Variants in ACO1 observed in about 807,000 individuals in gnomAD.
ACO1 encodes cytoplasmic aconitate hydratase.
Under a neutral mutation model 105.1 loss-of-function variants are expected in ACO1, and 78 were observed. That is an observed-to-expected ratio of 0.74 (90% CI 0.62 to 0.90). The LOEUF (loss-of-function observed/expected upper bound fraction) is 0.90. Ranked by LOEUF, ACO1 falls within the 40% of genes least tolerant of loss-of-function variation. The probability of loss-of-function intolerance (pLI) is 0.00; values close to 1 mark genes in which losing one functional copy is unlikely to be tolerated. For synonymous variants in ACO1, 364 were observed against 397.4 expected (o/e 0.92, Z 1.00); for missense variants, 965 against 1,111.1 (o/e 0.87, Z 1.87).
In ACO1 at chr9:32,430,589, G is replaced by C. The variant is rs370771298; in HGVS notation, c.1726+15G>C. Reference sequence around the variant, plus strand: ...AGAGCCATTGGGTAAGATTTTGTTTGTGCAGCCATAATTTTTTTCCAGTGA... The same window carrying C: ...AGAGCCATTGGGTAAGATTTTGTTTCTGCAGCCATAATTTTTTTCCAGTGA... On this transcript the variant is annotated intron_variant, in intron 14 of 20. Transcript: ENST00000309951. 6.3e-7 allele frequency: 1 copy of C among 1,577,228 alleles called. No individual in the cohort carries two copies. Among genetic ancestry groups the C allele is most frequent in the South Asian group, 1.2e-5 (1 of 85,084 alleles).
chr9:32,391,155 A>T (rs1366602738), intron 1 of ACO1, among the ~76,000 whole-genome samples: 1 of 152,186 alleles, frequency 6.6e-6, no homozygotes, highest in African/African-American at 2.4e-5. Context: ...ACCTCATTTA[A>T]TTATCCTAGC....
intron 15 of ACO1, among the ~76,000 whole-genome samples, chr9:32,432,100 A>C (rs1822252120): frequency 6.6e-6 from 1 of 152,152 alleles, no homozygotes; most frequent in South Asian, 2.1e-4. Context: ...CCTCAGGTTC[A>C]GCTCTCCAAA....
chr9:32,444,329 G>T (rs1263394328), intron 19 of ACO1, among the ~76,000 whole-genome samples: 1 of 151,982 alleles, frequency 6.6e-6, no homozygotes, highest in Non-Finnish European at 1.5e-5. Flanking sequence ...TAATCCTTTG[G>T]GTATATACCC....
chr9:32,394,722 G>A (rs1003103083), intron 1 of ACO1, among the ~76,000 whole-genome samples: 8 of 152,200 alleles, frequency 5.3e-5, no homozygotes, highest in African/African-American at 7.2e-5. Context: ...ATCCTGCTGC[G>A]GGGAAGGAAT....
At chr9:32,449,914 G>A in intron 20 of ACO1, 84 bp from the exon 21 acceptor site, 2 of 1,054,120 alleles carry the variant, frequency 1.9e-6, no homozygotes, top group Admixed American at 1.8e-5. Flanking sequence ...GACCACACCT[G>A]AGGGGCAGGC....
At chr9:32,384,881 G>T (rs1384067284) in intron 1 of ACO1, 146 bp downstream of exon 1, 4 of 243,452 alleles carry the variant, frequency 1.6e-5, no homozygotes, top group Non-Finnish European at 2.6e-5. Context: ...GAGGCTGAGA[G>T]GAGAATCGGG....
rs555727537 is a variant in ACO1, at chr9:32,395,543, A to G, written c.-22-9942A>G. Among the ~76,000 whole-genome samples, 741 of 152,298 alleles carry G rather than the reference A, an allele frequency of 4.9e-3. 5 individuals carry two copies. Among genetic ancestry groups the G allele is most frequent in the Non-Finnish European group, 7.9e-3 (536 of 68,022 alleles). ...CTTAGTTGAGGTATCTGCAGGTGTC[A>G]TGTACTACACCACACTGGTGACCAT... On this transcript the variant is annotated intron_variant, in intron 1 of 20. Transcript: ENST00000309951.
chr9:32,397,631 G>A (rs567059531), intron 1 of ACO1, among the ~76,000 whole-genome samples: 21 of 152,072 alleles, frequency 1.4e-4, no homozygotes, highest in Non-Finnish European at 3.1e-4. Context: ...TTGGGAGTAG[G>A]GCCAATTAAT....
chr9:32,440,399 C>T (rs1822450876), intron 18 of ACO1, 66 bp from the exon 19 acceptor site: 3 of 1,602,944 alleles, frequency 1.9e-6, no homozygotes, highest in African/African-American at 1.3e-5. Context: ...CTCACCAGGG[C>T]TCAGGGGACC....
At chr9:32,432,829 C>A (rs1822269064) in intron 15 of ACO1, among the ~76,000 whole-genome samples, 1 of 152,166 alleles carries the variant, frequency 6.6e-6, no homozygotes, top group Non-Finnish European at 1.5e-5. Flanking sequence ...GGTCAAGAAT[C>A]CAGGCACAGC....
chr9:32,420,779 G>A (rs757928456), intron 7 of ACO1, 77 bp from the exon 8 acceptor site: 1 of 1,468,838 alleles, frequency 6.8e-7, no homozygotes, highest in Non-Finnish European at 9.3e-7. Flanking sequence ...TAGTTTATAA[G>A]AAGTGCAAGA....
At chr9:32,401,063 A>G (rs963200191) in intron 1 of ACO1, among the ~76,000 whole-genome samples, 5 of 152,064 alleles carry the variant, frequency 3.3e-5, no homozygotes, top group African/African-American at 1.2e-4. Context: ...TGTATCTTGA[A>G]TCTGAGTAAG....
At position 32,430,552 on chromosome 9, in the gene ACO1, C is replaced by T. The variant is rs771293244; in HGVS notation, c.1704C>T (p.Ile568=). Residue 568 remains isoleucine, a synonymous_variant, in exon 14 of 21, where the codon ATC becomes ATT. Coordinates refer to ENST00000309951, the MANE Select transcript of ACO1 (RefSeq NM_002197.3). ...ATGCAATTGCTGGAACCATCAGAAT[C>T]GACTTTGAGAAAGAGCCATTGGGTA... ...IAYAIAGTIR[I]DFEKEPLGVN... is the part of the protein sequence containing the mutation. 51 of 1,605,554 alleles carry T rather than the reference C, an allele frequency of 3.2e-5. 1 individual carries two copies. The East Asian group carries it at 1.0e-3, about 33-fold the overall frequency.
rs757907809 is a variant in ACO1 at position 32,424,635 on chromosome 9, A to G, written c.1158A>G (p.Lys386=). 2.5e-6 allele frequency: 4 copies of G among 1,613,964 alleles called. No individual in the cohort carries two copies. The African/African-American group carries it at 5.3e-5, about 22-fold the overall frequency. Residue 386 remains lysine (K), a synonymous_variant, in exon 10 of 21, where the codon AAA becomes AAG. Transcript: ENST00000309951. ...PQDKVAVSDM[K]KDFESCLGAK... ...ACAAAGTTGCTGTGTCCGACATGAA[A>G]AAGGACTTTGAGAGCTGCCTTGGAG...
intron 17 of ACO1, 193 bp from the exon 18 acceptor site, chr9:32,436,057 T>G (rs754717575): frequency 1.4e-6 from 1 of 734,878 alleles, no homozygotes; most frequent in East Asian, 2.7e-5. Context: ...TCACCACCCC[T>G]TCTCACCTCT....
intron 9 of ACO1, 84 bp downstream of exon 9, chr9:32,423,503 C>A: frequency 2.1e-6 from 2 of 944,784 alleles, no homozygotes; most frequent in Non-Finnish European, 3.3e-6. Flanking sequence ...GGGGAATGCG[C>A]TAGTAGGAAA....
At chr9:32,419,395 T>C (rs1280596042) in intron 7 of ACO1, among the ~76,000 whole-genome samples, 1 of 152,270 alleles carries the variant, frequency 6.6e-6, no homozygotes, top group Non-Finnish European at 1.5e-5. Flanking sequence ...ATCGATCTTT[T>C]TCTTAAAGGA....
chr9:32,448,648 C>T (rs1822677759), intron 19 of ACO1, among the ~76,000 whole-genome samples: 1 of 152,178 alleles, frequency 6.6e-6, no homozygotes, highest in Non-Finnish European at 1.5e-5. Flanking sequence ...TGAGGTGACG[C>T]CCCACCCCAC....
chr9:32,405,469 T>G lies in ACO1; in HGVS notation c.-22-16T>G. 2 of 1,471,986 alleles carry G rather than the reference T, an allele frequency of 1.4e-6. No individual in the cohort carries two copies. The highest frequency in any genetic ancestry group is 4.5e-5 in the East Asian group (2 of 44,152). 91.2% of individuals were successfully genotyped at this position (1,471,986 alleles called of 1,614,324 possible). A position where few individuals can be genotyped will look rare whatever the true frequency, so the allele number is the denominator to read the frequency against. Reference sequence around the variant, plus strand: ...CCTCTTAAAAAAAGAATTTAAATGTTCTCTTTTCTTTTCAGGAACACGTGG... The same window carrying G: ...CCTCTTAAAAAAAGAATTTAAATGTGCTCTTTTCTTTTCAGGAACACGTGG... On this transcript the variant is annotated splice_polypyrimidine_tract_variant and intron_variant, in intron 1 of 20. Transcript: ENST00000309951.
Sources: allele counts gnomAD v4.1 joint callset (sites outside exome capture counted in the v4.1 genomes callset), GRCh38; gene constraint gnomAD v4.1.1; transcripts MANE v1.5; gene names NCBI Gene and HGNC (gene_info 2026-07-23, HGNC 2026-07-21).